The following ARL5A variants were observed in gnomAD, a reference collection of about 807,000 sequenced individuals.
ARL5A encodes the protein ADP-ribosylation factor-like protein 5A.
Under a neutral mutation model 25.9 loss-of-function variants are expected in ARL5A, and 18 were observed. The observed-to-expected ratio is 0.69, with a 90% confidence interval of 0.48 to 1.03. The LOEUF (loss-of-function observed/expected upper bound fraction) is 1.03, where lower values mean the gene tolerates loss of function less well. ARL5A is among the 50% of genes least tolerant of loss of function. The pLI is 0.00. For synonymous variants in ARL5A, 61 were observed against 67.5 expected (o/e 0.90, Z 0.47); for missense variants, 170 against 211.9 (o/e 0.80, Z 1.23).
At chr2:151,816,635 AT>A (rs765664214) in intron 1 of ARL5A, among the ~76,000 whole-genome samples, 1 of 152,218 alleles carries the variant, frequency 6.6e-6, no homozygotes, top group Non-Finnish European at 1.5e-5. Context: ...TTGTTTAACA[AT>A]TAAAATAGCA....
At chr2:151,816,175 T>C (rs1344776905) in intron 1 of ARL5A, among the ~76,000 whole-genome samples, 2 of 152,178 alleles carry the variant, frequency 1.3e-5, no homozygotes, top group South Asian at 2.1e-4. Flanking sequence ...TCAGATACTA[T>C]ACAGCAAGCC....
chr2:151,815,262 GA>G, intron 1 of ARL5A, 63 bp from the exon 2 acceptor site: 3 of 1,309,824 alleles, frequency 2.3e-6, no homozygotes, highest in Non-Finnish European at 2.2e-6. Context: ...TTAATTATAG[GA>G]AAAAATATAC....
At chr2:151,823,365 C>T (rs1331566791) in intron 1 of ARL5A, among the ~76,000 whole-genome samples, 1 of 151,700 alleles carries the variant, frequency 6.6e-6, no homozygotes, top group African/African-American at 2.4e-5. Context: ...AATAAACTTG[C>T]TATTACAGTA....
At chr2:151,805,449 C>T (rs1459995797) in intron 5 of ARL5A, among the ~76,000 whole-genome samples, 1 of 152,174 alleles carries the variant, frequency 6.6e-6, no homozygotes, top group African/African-American at 2.4e-5. Context: ...CTTAAGACTT[C>T]TATTTAGAAT....
intron 5 of ARL5A, among the ~76,000 whole-genome samples, chr2:151,806,106 T>C (rs2099830073): frequency 6.6e-6 from 1 of 152,196 alleles, no homozygotes; most frequent in Non-Finnish European, 1.5e-5. Flanking sequence ...GTTAATTGAA[T>C]GGCATCCTCT....
At chr2:151,818,383 A>G (rs560872578) in intron 1 of ARL5A, among the ~76,000 whole-genome samples, 1 of 152,038 alleles carries the variant, frequency 6.6e-6, no homozygotes, top group African/African-American at 2.4e-5. Context: ...GGCTCAAGTG[A>G]TCCACCCACC....
At chr2:151,808,996 A>C (rs2151292800) in intron 4 of ARL5A, among the ~76,000 whole-genome samples, 1 of 152,294 alleles carries the variant, frequency 6.6e-6, no homozygotes, top group Admixed American at 6.5e-5. Flanking sequence ...TGCAGCGAGC[A>C]AAGATAGCGC....
At chr2:151,807,047 TCA>T (rs1300197496) in intron 4 of ARL5A, 75 bp from the exon 5 acceptor site, 1 of 1,369,570 alleles carries the variant, frequency 7.3e-7, no homozygotes, top group Non-Finnish European at 1.0e-6. Flanking sequence ...AGAATCTTTT[TCA>T]CAATCTTAGT....
chr2:151,826,651 C>G (rs1294296733), intron 1 of ARL5A, among the ~76,000 whole-genome samples: 1 of 152,208 alleles, frequency 6.6e-6, no homozygotes, highest in African/African-American at 2.4e-5. Context: ...TAAGTACCAT[C>G]AGTCTTACAG....
chr2:151,810,890 C>A (rs1459650733), intron 4 of ARL5A, among the ~76,000 whole-genome samples: 4 of 152,072 alleles, frequency 2.6e-5, no homozygotes, highest in Admixed American at 2.6e-4. Context: ...CATAAAACCA[C>A]CCTTTGGAAT....
Position 151,803,102 on chromosome 2 carries a change from A to T in ARL5A, c.*174T>A. Reference sequence around the variant, plus strand: ...TTGGAAAAAACTAATGAGAAAGCAAACTGGAAGGTGAGACTTCATCTTTGT... The same window carrying T: ...TTGGAAAAAACTAATGAGAAAGCAATCTGGAAGGTGAGACTTCATCTTTGT... On this transcript the variant is annotated 3_prime_UTR_variant, in exon 6 of 6. Transcript: ENST00000295087. The T allele has an allele frequency of 1.8e-6, 1 of 542,050 alleles. No individual in the cohort carries two copies. Among genetic ancestry groups the T allele is most frequent in the Non-Finnish European group, 3.3e-6 (1 of 303,572 alleles). 33.6% of individuals were successfully genotyped at this position (542,050 alleles called of 1,614,324 possible). A position where few individuals can be genotyped will look rare whatever the true frequency, so the allele number is the denominator to read the frequency against.
chr2:151,804,373 A>C (rs1433276516), intron 5 of ARL5A, among the ~76,000 whole-genome samples: 1 of 152,218 alleles, frequency 6.6e-6, no homozygotes, highest in Non-Finnish European at 1.5e-5. Flanking sequence ...AACTGTTATA[A>C]GTATTAACTA....
chr2:151,808,762 C>T (rs2099830440), intron 4 of ARL5A, among the ~76,000 whole-genome samples: 1 of 152,068 alleles, frequency 6.6e-6, no homozygotes, highest in African/African-American at 2.4e-5. Flanking sequence ...TGAAACCATT[C>T]ATCAGCCAGG....
intron 1 of ARL5A, among the ~76,000 whole-genome samples, chr2:151,824,428 C>A (rs548753976): frequency 6.6e-6 from 1 of 151,994 alleles, no homozygotes; most frequent in Non-Finnish European, 1.5e-5. Flanking sequence ...ACAGTCTACC[C>A]CTTGGCTACT....
At chr2:151,815,058 T>C (rs2099831322) in intron 2 of ARL5A, 81 bp downstream of exon 2, 3 of 1,026,222 alleles carry the variant, frequency 2.9e-6, no homozygotes, top group Admixed American at 2.3e-5. Context: ...TGTAATTTCT[T>C]ACTGCATTCA....
chr2:151,828,145 A>T lies in ARL5A; in HGVS notation c.32T>A (p.Leu11Gln). The T allele has an allele frequency of 6.2e-7, 1 of 1,609,996 alleles. No individual in the cohort carries two copies. Among genetic ancestry groups the T allele is most frequent in the Non-Finnish European group, 8.5e-7 (1 of 1,178,112 alleles). MGILFTRIWRLFNHQEHKVII... is the reference protein window; with the variant it reads MGILFTRIWRQFNHQEHKVII... ...GAGCTCCTCACCCTGGTGATTGAAC[A>T]GTCTCCATATTCTAGTGAAGAGAAT... Residue 11 changes from leucine to glutamine, a missense_variant, in exon 1 of 6, where the codon CTG (leucine) becomes CAG (glutamine). Leu to Gln is a moderately radical substitution (Grantham distance 113, BLOSUM62 -2). Transcript: ENST00000295087.
intron 4 of ARL5A, among the ~76,000 whole-genome samples, chr2:151,809,041 C>G (rs1425286896): frequency 6.6e-6 from 1 of 152,154 alleles, no homozygotes; most frequent in Admixed American, 6.5e-5. Flanking sequence ...GAGTGAAACT[C>G]TGTCTCAAAA....
At chr2:151,803,402 A>C in intron 5 of ARL5A, 78 bp from the exon 6 acceptor site, 2 of 1,000,730 alleles carry the variant, frequency 2.0e-6, no homozygotes, top group Non-Finnish European at 3.1e-6. Flanking sequence ...AGCAAACTAA[A>C]AGAGAGCATT....
chr2:151,817,914 A>G (rs2099831737), intron 1 of ARL5A, among the ~76,000 whole-genome samples: 1 of 152,206 alleles, frequency 6.6e-6, no homozygotes, highest in African/African-American at 2.4e-5. Context: ...CTGAGGCAGA[A>G]AAATCGCTTG....
Sources: allele counts gnomAD v4.1 joint callset (sites outside exome capture counted in the v4.1 genomes callset), GRCh38; gene constraint gnomAD v4.1.1; transcripts MANE v1.5; gene names NCBI Gene and HGNC (gene_info 2026-07-23, HGNC 2026-07-21).